The following ERFE variants were observed in gnomAD, a reference collection of about 807,000 sequenced individuals.
ERFE encodes the protein erythroferrone.
In ERFE, 25 loss-of-function variants were observed where a neutral mutation model predicts 26.6. That is an observed-to-expected ratio of 0.94 (90% confidence interval 0.69 to 1.31). The LOEUF is 1.31. Among genes scored for constraint, ERFE ranks in the 40% most tolerant of loss-of-function variants. The probability of loss-of-function intolerance (pLI) is 0.00; values close to 1 mark genes in which losing one functional copy is unlikely to be tolerated. For missense variants in ERFE, 447 were observed against 440.2 expected (o/e 1.02, Z -0.14); for synonymous variants, 206 against 204.5 (o/e 1.01, Z -0.06).
intron 2 of ERFE, among the ~76,000 whole-genome samples, chr2:238,162,470 G>A (rs1692953073): frequency 6.6e-6 from 1 of 152,380 alleles, no homozygotes; most frequent in Admixed American, 6.5e-5. Context: ...CACGAGGCCT[G>A]GCCGCAGGAG....
At chr2:238,161,801 A>G in intron 2 of ERFE, 85 bp downstream of exon 2, 1 of 1,428,312 alleles carries the variant, frequency 7.0e-7, no homozygotes, top group Non-Finnish European at 9.3e-7. Context: ...CATCCTGAAC[A>G]TTTCCAATAG....
At position 238,164,367 on chromosome 2, in the gene ERFE, G is replaced by A. The variant is rs1042816529; in HGVS notation, c.887+7G>A. 48 of 1,542,716 alleles carry A rather than the reference G, an allele frequency of 3.1e-5. No homozygotes were observed. The African/African-American group carries it at 5.8e-4, about 19-fold the overall frequency. On this transcript the variant is annotated splice_region_variant and intron_variant, in intron 6 of 7. Transcript: ENST00000546354. ...CCCGGTGCCAGCGCAACGCGTGAGT[G>A]TACCCCGGCCCGGACCCCACACCCG...
At position 238,168,172 on chromosome 2, in the gene ERFE, CTGGGGA is replaced by C; in HGVS notation, c.*1125_*1130del. 3.3e-6 allele frequency: 1 copy of C among 307,390 alleles called. No homozygotes were observed. The highest frequency in any genetic ancestry group is 2.8e-5 in the South Asian group (1 of 35,968). The allele number at this position is 307,390 out of a possible 1,614,324, so 19.0% of individuals were successfully genotyped here. A position where few individuals can be genotyped will look rare whatever the true frequency, so the allele number is the denominator to read the frequency against. ...TGTGCTCCTGTGGCAGTGATGGGGC[CTGGGGA>C]TGGGGACGGCAGCTCTCATGAGGAC... is the stretch of plus-strand genomic sequence containing the variant. On this transcript the variant is annotated 3_prime_UTR_variant, in exon 8 of 8. Transcript: ENST00000546354.
At chr2:238,165,743 G>C in intron 7 of ERFE, 59 bp downstream of exon 7, 1 of 1,433,832 alleles carries the variant, frequency 7.0e-7, no homozygotes, top group South Asian at 1.2e-5. Context: ...ACGGGTGGCT[G>C]GGTGCAGAAG....
At chr2:238,161,326 C>T (rs1421749839) in intron 1 of ERFE, among the ~76,000 whole-genome samples, 1 of 152,228 alleles carries the variant, frequency 6.6e-6, no homozygotes, top group Admixed American at 6.5e-5. Flanking sequence ...CCCCATTTTC[C>T]CTCCAGGCAT....
Position 238,167,238 on chromosome 2 carries a change from C to T in ERFE, c.*184C>T, listed in dbSNP as rs1693054737. 1.4e-6 allele frequency: 1 copy of T among 725,110 alleles called. No individual in the cohort carries two copies. Among genetic ancestry groups the T allele is most frequent in the Admixed American group, 2.0e-5 (1 of 50,008 alleles). 44.9% of individuals were successfully genotyped at this position (725,110 alleles called of 1,614,324 possible). On this transcript the variant is annotated 3_prime_UTR_variant, in exon 8 of 8. Transcript: ENST00000546354. ...CAGGCCTACGGACGTGACACGCACG[C>T]TGGTGGTCCCGGAGCCAGGGTTGAT...
At chr2:238,165,274 A>C (rs981453635) in intron 6 of ERFE, among the ~76,000 whole-genome samples, 1 of 152,232 alleles carries the variant, frequency 6.6e-6, no homozygotes. Context: ...TTGAACCCCC[A>C]GAGTGTGTTG....
At chr2:238,159,775 G>T (rs1692910802) in intron 1 of ERFE, among the ~76,000 whole-genome samples, 1 of 152,190 alleles carries the variant, frequency 6.6e-6, no homozygotes. Flanking sequence ...GCAGAGGGTG[G>T]TCCGGTTGGG....
rs1287337420 is a variant in ERFE, at chr2:238,164,125, C to T, written c.738C>T (p.Ser246=). Residue 246 remains serine, a synonymous_variant, in exon 5 of 8, where the codon AGC becomes AGT. Coordinates refer to ENST00000546354, the MANE Select transcript of ERFE (RefSeq NM_001291832.2). ...GCGGCCCGGGCCTGAACTTGACCAG[C>T]GGCCAGTACAGGGCGCCCGTGGCTG... ...FRRGPGLNLT[S]GQYRAPVAGF... The T allele has an allele frequency of 5.5e-6, 8 of 1,454,424 alleles. No homozygotes were observed. Among genetic ancestry groups the T allele is most frequent in the African/African-American group, 1.5e-5 (1 of 67,558 alleles). The allele number at this position is 1,454,424 out of a possible 1,614,324, so 90.1% of individuals were successfully genotyped here. A position where few individuals can be genotyped will look rare whatever the true frequency, so the allele number is the denominator to read the frequency against.
chr2:238,164,731 A>G lies in ERFE; in HGVS notation c.887+371A>G, dbSNP rs566747921. On this transcript the variant is annotated intron_variant, in intron 6 of 7. Coordinates refer to ENST00000546354, the MANE Select transcript of ERFE (RefSeq NM_001291832.2). ...TACCCGGGCGTGGTGGGTGCCTGTA[A>G]TCCCAGCTACTTGGGAGGCTGAGGC... 4.7e-4 allele frequency: 114 copies of G among 244,274 alleles called. 2 individuals are homozygous for G. Among genetic ancestry groups the G allele is most frequent in the South Asian group, 6.9e-4 (14 of 20,236 alleles). The allele number at this position is 244,274 out of a possible 1,614,324, so 15.1% of individuals were successfully genotyped here. A position where few individuals can be genotyped will look rare whatever the true frequency, so the allele number is the denominator to read the frequency against.
Position 238,168,113 on chromosome 2 carries a change from A to C in ERFE, c.*1059A>C, listed in dbSNP as rs1391513497. 4.4e-6 allele frequency: 1 copy of C among 225,922 alleles called. No homozygotes were observed. The highest frequency in any genetic ancestry group is 9.0e-6 in the Non-Finnish European group (1 of 110,744). 14.0% of individuals were successfully genotyped at this position (225,922 alleles called of 1,614,324 possible). On this transcript the variant is annotated 3_prime_UTR_variant, in exon 8 of 8. Coordinates refer to ENST00000546354, the MANE Select transcript of ERFE (RefSeq NM_001291832.2). The stretch of plus-strand genomic sequence containing the variant: ...GGTGGACGAGAGATGGTCCCGAGAA[A>C]GGGTGGTCTTGGGAGGGCTGGTCCC...
At chr2:238,164,048 C>T (rs907974607) in intron 4 of ERFE, 27 bp from the exon 5 acceptor site, 9 of 1,392,000 alleles carry the variant, frequency 6.5e-6, no homozygotes, top group Middle Eastern at 4.4e-4. Context: ...GGGCGGGAGC[C>T]GGGGTGACCA....
chr2:238,164,084 G>A lies in ERFE; in HGVS notation c.697G>A (p.Glu233Lys). The A allele has an allele frequency of 7.0e-7, 1 of 1,423,914 alleles. No individual in the cohort carries two copies. The highest frequency in any genetic ancestry group is 9.2e-7 in the Non-Finnish European group (1 of 1,092,492). 88.2% of individuals were successfully genotyped at this position (1,423,914 alleles called of 1,614,324 possible). ...TCCGTGCCCCTCGCAGCCCGACGCCGAGGGTGCCTTCCGCCGCGGCCCGGG... is the reference window on the plus strand; with the variant it reads ...TCCGTGCCCCTCGCAGCCCGACGCCAAGGGTGCCTTCCGCCGCGGCCCGGG... ...ELGVYYLPDA[E>K]GAFRRGPGLN... Residue 233 changes from glutamate to lysine, a missense_variant, in exon 5 of 8, where the codon GAG (glutamate) becomes AAG (lysine). By Grantham distance (56) the Glu-to-Lys change is moderately conservative. Coordinates refer to ENST00000546354, the MANE Select transcript of ERFE (RefSeq NM_001291832.2).
At chr2:238,165,270 C>A (rs1212441919) in intron 6 of ERFE, among the ~76,000 whole-genome samples, 1 of 152,230 alleles carries the variant, frequency 6.6e-6, no homozygotes, top group Non-Finnish European at 1.5e-5. Flanking sequence ...GCCTTTGAAC[C>A]CCCAGAGTGT....
intron 1 of ERFE, among the ~76,000 whole-genome samples, chr2:238,159,548 T>G (rs1462510065): frequency 6.6e-6 from 1 of 152,216 alleles, no homozygotes; most frequent in African/African-American, 2.4e-5. Context: ...TTGTAAAAAG[T>G]GTAAGCGAAT....
At position 238,161,747 on chromosome 2, in the gene ERFE, G is replaced by A. The variant is rs145421616; in HGVS notation, c.321+31G>A. The A allele has an allele frequency of 2.4e-4, 364 of 1,520,814 alleles. 3 individuals carry two copies. In the East Asian group the frequency reaches 6.9e-3, roughly 29 times the overall value. 94.2% of individuals were successfully genotyped at this position (1,520,814 alleles called of 1,614,324 possible). ...GCCGGCATCCCGTCAGTGCCAGGCC[G>A]TGGGGGGTTCCGCCTCCTCGCTCCT... On this transcript the variant is annotated intron_variant, in intron 2 of 7. Transcript: ENST00000546354.
chr2:238,160,825 C>T (rs888604461), intron 1 of ERFE, among the ~76,000 whole-genome samples: 1 of 152,200 alleles, frequency 6.6e-6, no homozygotes, highest in African/African-American at 2.4e-5. Context: ...CCTCTTGGGC[C>T]GGTTTCCTTC....
Position 238,168,800 on chromosome 2 carries a change from G to T in ERFE, c.*1746G>T. 6.5e-6 allele frequency: 1 copy of T among 154,928 alleles called. No homozygotes were observed. The highest frequency in any genetic ancestry group is 1.8e-4 in the East Asian group (1 of 5,412). 9.6% of individuals were successfully genotyped at this position (154,928 alleles called of 1,614,324 possible). A position where few individuals can be genotyped will look rare whatever the true frequency, so the allele number is the denominator to read the frequency against. On this transcript the variant is annotated 3_prime_UTR_variant, in exon 8 of 8. Coordinates refer to ENST00000546354, the MANE Select transcript of ERFE (RefSeq NM_001291832.2). ...GAACTTATCTTTCACTCTTGTAAAA[G>T]CCACATATCCACATCTCTTTCATTT...
At position 238,165,679 on chromosome 2, in the gene ERFE, C is replaced by G; in HGVS notation, c.961C>G (p.Leu321Val). 1 of 1,548,772 alleles carries G rather than the reference C, an allele frequency of 6.5e-7. No individual in the cohort carries two copies. The highest frequency in any genetic ancestry group is 8.7e-7 in the Non-Finnish European group (1 of 1,145,536). Reference sequence around the variant, plus strand: ...CATCTCTGTGAATGGCGTCCTGTACCTGCAGGTGAGTGCGGCAGGCTTGGG... The same window carrying G: ...CATCTCTGTGAATGGCGTCCTGTACGTGCAGGTGAGTGCGGCAGGCTTGGG... ...FTISVNGVLYLQMGQWTSVFL... is the reference protein window; with the variant it reads ...FTISVNGVLYVQMGQWTSVFL... Residue 321 changes from leucine (L) to valine (V), a missense_variant, in exon 7 of 8, where the codon CTG (leucine) becomes GTG (valine). Coordinates refer to ENST00000546354, the MANE Select transcript of ERFE (RefSeq NM_001291832.2).
Sources: allele counts gnomAD v4.1 joint callset (sites outside exome capture counted in the v4.1 genomes callset), GRCh38; gene constraint gnomAD v4.1.1; transcripts MANE v1.5; gene names NCBI Gene and HGNC (gene_info 2026-07-23, HGNC 2026-07-21).